CHN2: variants seen among roughly 807,000 people sequenced by gnomAD.
CHN2 encodes beta-chimaerin.
In CHN2, 35 loss-of-function variants were observed where a neutral mutation model predicts 56.3. The observed-to-expected ratio is 0.62, with a 90% CI of 0.47 to 0.82. The LOEUF (loss-of-function observed/expected upper bound fraction) is 0.82, where lower values mean the gene tolerates loss of function less well. Ranked by LOEUF, CHN2 falls within the 40% of genes least tolerant of loss-of-function variation. The probability of loss-of-function intolerance (pLI) is 0.00; values close to 1 mark genes in which losing one functional copy is unlikely to be tolerated. For synonymous variants in CHN2, 210 were observed against 212.8 expected (o/e 0.99, Z 0.12); for missense variants, 491 against 580.5 (o/e 0.85, Z 1.58).
intron 6 of CHN2, among the ~76,000 whole-genome samples, chr7:29,418,709 G>C (rs1030606427): frequency 6.6e-6 from 1 of 152,190 alleles, no homozygotes; most frequent in Non-Finnish European, 1.5e-5. Flanking sequence ...TCATTGGTGG[G>C]AGGTGGAAAG....
intron 6 of CHN2, among the ~76,000 whole-genome samples, chr7:29,403,133 G>GTTTGGGGC (rs1802350121): frequency 6.6e-6 from 1 of 152,132 alleles, no homozygotes; most frequent in Non-Finnish European, 1.5e-5. Context: ...CATTTTGTTA[G>GTTTGGGGC]TAGTTTGTTA....
intron 6 of CHN2, among the ~76,000 whole-genome samples, chr7:29,406,974 C>T (rs1802705608): frequency 6.6e-6 from 1 of 152,196 alleles, no homozygotes; most frequent in Admixed American, 6.5e-5. Flanking sequence ...CATTGCCCCA[C>T]ATTCACCCTA....
chr7:29,373,294 A>G (rs899846049), intron 3 of CHN2, among the ~76,000 whole-genome samples: 1 of 151,712 alleles, frequency 6.6e-6, no homozygotes, highest in African/African-American at 2.4e-5. Context: ...CTCCTGCCTC[A>G]GCCTCCTGAG....
chr7:29,377,303 C>T (rs1483271994), intron 3 of CHN2, among the ~76,000 whole-genome samples: 2 of 152,168 alleles, frequency 1.3e-5, no homozygotes, highest in South Asian at 2.1e-4. Flanking sequence ...GGATCACAGG[C>T]GTGAGCGACC....
intron 3 of CHN2, among the ~76,000 whole-genome samples, chr7:29,393,058 C>T (rs1243309523): frequency 1.3e-5 from 2 of 152,176 alleles, no homozygotes; most frequent in Non-Finnish European, 2.9e-5. Context: ...GATGTGATAA[C>T]CTCAAGGCTA....
chr7:29,252,578 G>GTTTTTGTTTTTTTTTTTTT (rs1788666189), intron 1 of CHN2, among the ~76,000 whole-genome samples: 1 of 19,488 alleles, frequency 5.1e-5, no homozygotes, highest in Non-Finnish European at 8.2e-5. Flanking sequence ...TGCATTCTTT[G>GTTTTTGTTTTTTTTTTTTT]TTTTTTTTTT....
chr7:29,437,061 C>T (rs1783279492), intron 6 of CHN2, among the ~76,000 whole-genome samples: 1 of 151,900 alleles, frequency 6.6e-6, no homozygotes, highest in Non-Finnish European at 1.5e-5. Flanking sequence ...TTTTTGAAAT[C>T]CACCAGAGAT....
intron 6 of CHN2, among the ~76,000 whole-genome samples, chr7:29,473,482 T>TTTTGTGTGTGTG (rs539151442): frequency 1.7e-5 from 2 of 118,166 alleles, no homozygotes; most frequent in African/African-American, 6.6e-5. Context: ...TTTTTTTTTT[T>TTTTGTGTGTGTG]TGTGTGTGTG....
At chr7:29,477,603 CA>C (rs1786702031) in intron 6 of CHN2, among the ~76,000 whole-genome samples, 1 of 152,178 alleles carries the variant, frequency 6.6e-6, no homozygotes, top group Admixed American at 6.5e-5. Context: ...TGCTTCTCTC[CA>C]TCTTTTTACC....
intron 12 of CHN2, among the ~76,000 whole-genome samples, chr7:29,510,732 G>A (rs6944485): frequency 0.96 from 146,235 of 152,332 alleles, 70,213 homozygotes; most frequent in East Asian, 1. Context: ...TGCTTTTACC[G>A]TGTTTTATCT....
intron 1 of CHN2, among the ~76,000 whole-genome samples, chr7:29,244,987 T>C (rs187112486): frequency 2.0e-3 from 300 of 152,310 alleles, no homozygotes; most frequent in Middle Eastern, 3.4e-3. Flanking sequence ...CAATTTCTTA[T>C]TCATACTGGC....
At chr7:29,222,969 C>T (rs1785920563) in intron 1 of CHN2, among the ~76,000 whole-genome samples, 1 of 152,084 alleles carries the variant, frequency 6.6e-6, no homozygotes, top group Non-Finnish European at 1.5e-5. Flanking sequence ...TGACAAAGTA[C>T]TTGTATCCAG....
At chr7:29,246,613 A>G (rs1022549893) in intron 1 of CHN2, among the ~76,000 whole-genome samples, 2 of 152,202 alleles carry the variant, frequency 1.3e-5, no homozygotes, top group East Asian at 1.9e-4. Flanking sequence ...GGTAGCTCAC[A>G]TAACTTAAGT....
At chr7:29,392,919 T>C (rs2128074428) in intron 3 of CHN2, among the ~76,000 whole-genome samples, 1 of 152,380 alleles carries the variant, frequency 6.6e-6, no homozygotes, top group Middle Eastern at 3.4e-3. Context: ...TGAGTGTCCC[T>C]GGAGTTAGGA....
At chr7:29,339,640 G>T (rs1250438753) in intron 1 of CHN2, among the ~76,000 whole-genome samples, 2 of 151,782 alleles carry the variant, frequency 1.3e-5, no homozygotes, top group South Asian at 2.1e-4. Context: ...ATCACCTGAG[G>T]TCAGGAGTTC....
At chr7:29,352,350 C>CGTGTGTGTGTGTGTGT (rs60859228) in intron 1 of CHN2, among the ~76,000 whole-genome samples, 83 of 149,974 alleles carry the variant, frequency 5.5e-4, no homozygotes, top group African/African-American at 2.1e-3. Flanking sequence ...TGCAGTCTGT[C>CGTGTGTGTGTGTGTGT]GTGTGTGTGT....
intron 6 of CHN2, among the ~76,000 whole-genome samples, chr7:29,421,523 T>C (rs1804344587): frequency 6.6e-6 from 1 of 152,190 alleles, no homozygotes; most frequent in Non-Finnish European, 1.5e-5. Context: ...ATAAGAGAAG[T>C]GACTATTGGG....
chr7:29,482,395 C>G (rs1348768600), intron 7 of CHN2, among the ~76,000 whole-genome samples: 1 of 152,128 alleles, frequency 6.6e-6, no homozygotes, highest in Non-Finnish European at 1.5e-5. Context: ...CCTTCCTTGC[C>G]CTTTCCACCC....
At chr7:29,269,626 A>G (rs964747082) in intron 1 of CHN2, among the ~76,000 whole-genome samples, 1 of 152,204 alleles carries the variant, frequency 6.6e-6, no homozygotes, top group African/African-American at 2.4e-5. Context: ...AGGAAACTTC[A>G]TGCTGTTTTC....
Sources: gnomAD v4.1 joint callset for allele counts (sites outside exome capture counted in the v4.1 genomes callset) on GRCh38, gnomAD v4.1.1 for gene constraint, MANE v1.5 for transcripts, NCBI Gene and HGNC (gene_info 2026-07-23, HGNC 2026-07-21) for gene names.